Variants in CRAMP1 observed in about 807,000 individuals in gnomAD.
The protein encoded by CRAMP1 is cramped chromatin regulator 1.
In CRAMP1, 50 loss-of-function variants were observed where a neutral mutation model predicts 115.4. That is an observed-to-expected ratio of 0.43 (90% CI 0.35 to 0.55). The LOEUF (loss-of-function observed/expected upper bound fraction) is 0.55, where lower values mean the gene tolerates loss of function less well. Among genes scored for constraint, CRAMP1 ranks in the 20% least tolerant of loss-of-function variants. CRAMP1 has a pLI of 0.01. For synonymous variants in CRAMP1, 866 were observed against 745.4 expected (o/e 1.16, Z -2.64); for missense variants, 1,679 against 1,721.7 (o/e 0.98, Z 0.44).
At chr16:1,652,420 G>A (rs553628397) in intron 6 of CRAMP1, 76 bp from the exon 7 acceptor site, 50 of 1,346,454 alleles carry the variant, frequency 3.7e-5, no homozygotes, top group South Asian at 2.4e-4. Flanking sequence ...CTGGCTCAGC[G>A]CCTCTCCGTG....
chr16:1,672,103 A>C lies in CRAMP1; in HGVS notation c.3645+1294A>C, dbSNP rs1288499096. Among the ~76,000 whole-genome samples the C allele has an allele frequency of 2.6e-5, 4 of 152,192 alleles. No individual in the cohort carries two copies. The highest frequency in any genetic ancestry group is 5.9e-5 in the Non-Finnish European group (4 of 68,036). ...GTACGTGCCCTGAGGCAGCATGCTC[A>C]CGCCATGCTGTTGAAAGGACGGGCC... On this transcript the variant is annotated intron_variant, in intron 20 of 20. Transcript: ENST00000397412. The surrounding 1 kb of genome is among the most constrained non-coding windows in gnomAD (Gnocchi z 4.9).
chr16:1,628,748 T>C (rs1488289160), intron 3 of CRAMP1, among the ~76,000 whole-genome samples: 1 of 152,226 alleles, frequency 6.6e-6, no homozygotes, highest in African/African-American at 2.4e-5. Context: ...CGCTGCCTTT[T>C]TGATGCCTCC....
chr16:1,628,157 T>C (rs1009667459), intron 3 of CRAMP1, among the ~76,000 whole-genome samples: 1 of 152,216 alleles, frequency 6.6e-6, no homozygotes, highest in Non-Finnish European at 1.5e-5. Context: ...GTAATAATAA[T>C]TAATAGTTGG....
chr16:1,628,876 GCTC>G (rs915422584), intron 3 of CRAMP1, among the ~76,000 whole-genome samples: 13 of 152,230 alleles, frequency 8.5e-5, no homozygotes, highest in African/African-American at 2.9e-4. Context: ...TGCTTCAGCT[GCTC>G]CTCAGGCGAG....
At chr16:1,661,264 C>A (rs1437455586) in intron 11 of CRAMP1, among the ~76,000 whole-genome samples, 1 of 152,096 alleles carries the variant, frequency 6.6e-6, no homozygotes, top group African/African-American at 2.4e-5. Context: ...CAAGGCCGCA[C>A]TGAGCCGTGA....
At chr16:1,654,549 T>G (rs1419844218) in intron 8 of CRAMP1, among the ~76,000 whole-genome samples, 1 of 152,210 alleles carries the variant, frequency 6.6e-6, no homozygotes, top group African/African-American at 2.4e-5. Flanking sequence ...CAGGGGCATT[T>G]AACACGATCA....
intron 11 of CRAMP1, among the ~76,000 whole-genome samples, chr16:1,660,855 A>C (rs1004335902): frequency 1.3e-5 from 2 of 152,168 alleles, no homozygotes; most frequent in Non-Finnish European, 2.9e-5. Flanking sequence ...AAAAATACAA[A>C]AAACTAGTCT....
chr16:1,637,525 A>G (rs760529895), intron 4 of CRAMP1, among the ~76,000 whole-genome samples: 7 of 152,222 alleles, frequency 4.6e-5, no homozygotes, highest in Non-Finnish European at 5.9e-5. Flanking sequence ...CACATCTGCC[A>G]CCTTCACGAG....
chr16:1,660,489 C>T (rs768359522), intron 11 of CRAMP1, among the ~76,000 whole-genome samples: 1 of 152,102 alleles, frequency 6.6e-6, no homozygotes, highest in Non-Finnish European at 1.5e-5. Context: ...ACACAAGTCC[C>T]GGAAAGAATG....
At chr16:1,629,188 T>C (rs2036529443) in intron 3 of CRAMP1, among the ~76,000 whole-genome samples, 1 of 152,228 alleles carries the variant, frequency 6.6e-6, no homozygotes, top group Non-Finnish European at 1.5e-5. Context: ...CTGTGCTTCC[T>C]TCTCCCTCTC....
At position 1,614,759 on chromosome 16, in the gene CRAMP1, G is replaced by A; in HGVS notation, c.120G>A (p.Glu40=). The change falls in exon 2 of 21, where the codon GAG becomes GAA. Residue 40 remains glutamate, a synonymous_variant. Coordinates refer to ENST00000397412, the MANE Select transcript of CRAMP1 (RefSeq NM_020825.4). This position sits in a 1 kb window ranked among gnomAD's most constrained non-coding sequence, Gnocchi z 4.4. The part of the protein sequence containing the change: ...GEGAGGADAA[E]ESSGTKRDEK... ...GGGCCGGCGGCGCAGACGCGGCCGA[G>A]GAGAGCAGCGGCACAAAGAGGGACG... is the stretch of plus-strand genomic sequence containing the variant. 7.3e-7 allele frequency: 1 copy of A among 1,366,518 alleles called. No homozygotes were observed. Among genetic ancestry groups the A allele is most frequent in the Non-Finnish European group, 9.5e-7 (1 of 1,048,074 alleles). The allele number at this position is 1,366,518 out of a possible 1,614,324, so 84.6% of individuals were successfully genotyped here.
intron 4 of CRAMP1, among the ~76,000 whole-genome samples, chr16:1,637,425 G>C (rs62040015): frequency 1.4e-4 from 21 of 152,326 alleles, no homozygotes; most frequent in African/African-American, 5.1e-4. Flanking sequence ...TGTCCTGGGA[G>C]GGCACAGGTG....
At chr16:1,613,488 CA>C (rs1651461432) in intron 1 of CRAMP1, among the ~76,000 whole-genome samples, 1 of 152,202 alleles carries the variant, frequency 6.6e-6, no homozygotes, top group Non-Finnish European at 1.5e-5. Flanking sequence ...GAGTTGAACG[CA>C]GGGTCAGTAT....
At position 1,626,003 on chromosome 16, in the gene CRAMP1, A is replaced by T. The variant is rs1208975775; in HGVS notation, c.377A>T (p.Asn126Ile). The T allele has an allele frequency of 5.8e-6, 9 of 1,551,408 alleles. No individual in the cohort carries two copies. The highest frequency in any genetic ancestry group is 1.7e-4 in the Middle Eastern group (1 of 6,014). The change falls in exon 3 of 21, where the codon AAT becomes ATT. Residue 126 changes from asparagine to isoleucine, a missense_variant. Physicochemically the swap from Asn to Ile is moderately radical, Grantham distance 149. Transcript: ENST00000397412. ...GAEGGGSSSG[N>I]VSGVAPAAPA... is the part of the protein sequence containing the mutation. The stretch of plus-strand genomic sequence containing the variant: ...GAAGGTGGTGGATCATCGTCTGGAA[A>T]TGTGTCTGGGGTTGCCCCTGCTGCC...
chr16:1,643,404 G>C (rs2036648551), intron 6 of CRAMP1, among the ~76,000 whole-genome samples: 1 of 152,172 alleles, frequency 6.6e-6, no homozygotes, highest in African/African-American at 2.4e-5. Context: ...AGCTGGGTGT[G>C]GTGGTGCATG....
chr16:1,656,557 G>A lies in CRAMP1; in HGVS notation c.1800G>A (p.Leu600=), dbSNP rs747772846. Residue 600 remains leucine (L), a synonymous_variant, in exon 10 of 21, where the codon CTG becomes CTA. Coordinates refer to ENST00000397412, the MANE Select transcript of CRAMP1 (RefSeq NM_020825.4). The surrounding 1 kb of genome is among the most constrained non-coding windows in gnomAD (Gnocchi z 5.6). ...PLGGAASPEV[L]APVSKEAADL... ...GCGGGGCGGCCTCCCCAGAGGTGCTGGCTCCTGTCAGCAAGGAGGCTGCTG... is the reference window on the plus strand; with the variant it reads ...GCGGGGCGGCCTCCCCAGAGGTGCTAGCTCCTGTCAGCAAGGAGGCTGCTG... The A allele has an allele frequency of 3.9e-5, 61 of 1,557,006 alleles. No homozygotes were observed. The highest frequency in any genetic ancestry group is 5.0e-5 in the Non-Finnish European group (58 of 1,150,780).
Position 1,643,920 on chromosome 16 carries a change from G to A in CRAMP1, c.827+2733G>A, listed in dbSNP as rs755624592. 1.1e-3 allele frequency among the ~76,000 whole-genome samples: 168 copies of A among 152,242 alleles called. 1 individual carries two copies. Among genetic ancestry groups the A allele is most frequent in the Non-Finnish European group, 1.6e-3 (107 of 68,042 alleles). On this transcript the variant is annotated intron_variant, in intron 6 of 20. Transcript: ENST00000397412. ...GAGATGACTGACTGTGGGCCTAGGC[G>A]GTGGGCCTGTCAGCAGGATGGCAAG...
At position 1,666,131 on chromosome 16, in the gene CRAMP1, G is replaced by T. The variant is rs372632574; in HGVS notation, c.2811G>T (p.Pro937=). The change falls in exon 15 of 21, where the codon CCG becomes CCT. Residue 937 remains proline, a synonymous_variant. Transcript: ENST00000397412. The surrounding 1 kb of genome is among the most constrained non-coding windows in gnomAD (Gnocchi z 5.0). ...SSLTKAALSR[P]IVPKVLPPQA... is the part of the protein sequence containing the mutation. ...TGACCAAAGCAGCTCTGTCTCGGCC[G>T]ATCGTGCCCAAGGTCCTTCCACCCC... The T allele has an allele frequency of 6.2e-7, 1 of 1,611,276 alleles. No homozygotes were observed. Among genetic ancestry groups the T allele is most frequent in the South Asian group, 1.1e-5 (1 of 90,346 alleles).
rs772386081 is a variant in CRAMP1, at chr16:1,666,374, A to C, written c.2858-48A>C. Reference sequence around the variant, plus strand: ...TCCCCGAGCCCTCTTGGGACATCTTATGGGTTGTCAGTAGAGCAGAGATGT... The same window carrying C: ...TCCCCGAGCCCTCTTGGGACATCTTCTGGGTTGTCAGTAGAGCAGAGATGT... On this transcript the variant is annotated intron_variant, in intron 15 of 20. Coordinates refer to ENST00000397412, the MANE Select transcript of CRAMP1 (RefSeq NM_020825.4). This position sits in a 1 kb window ranked among gnomAD's most constrained non-coding sequence, Gnocchi z 5.0. 1 of 1,563,746 alleles carries C rather than the reference A, an allele frequency of 6.4e-7. No individual in the cohort carries two copies.
Sources: gnomAD v4.1 joint callset for allele counts (sites outside exome capture counted in the v4.1 genomes callset) on GRCh38, gnomAD v4.1.1 for gene constraint, Gnocchi (gnomAD v3.1) non-coding constraint, MANE v1.5 for transcripts, NCBI Gene and HGNC (gene_info 2026-07-23, HGNC 2026-07-21) for gene names.